Variants in HDAC6 observed in about 807,000 individuals in gnomAD.
HDAC6 encodes the protein protein deacetylase HDAC6.
A neutral mutation model predicts 88.9 loss-of-function variants in HDAC6; 5 were observed. The observed-to-expected ratio is 0.06, with a 90% CI of 0.03 to 0.12. HDAC6 has a LOEUF of 0.12. HDAC6 is among the 10% of genes least tolerant of loss of function. HDAC6 has a pLI of 1.00. For missense variants in HDAC6, 706 were observed against 1,014.4 expected (o/e 0.70, Z 4.13); for synonymous variants, 378 against 398.0 (o/e 0.95, Z 0.60).
In HDAC6 at chrX:48,808,134, G is replaced by A. The variant is rs782076379; in HGVS notation, c.734G>A (p.Arg245Gln). The change falls in exon 9 of 29, where the codon CGG (arginine) becomes CAG (glutamine). Residue 245 changes from arginine (R) to glutamine (Q), a missense_variant. By Grantham distance (43) the Arg-to-Gln change is conservative. Around this residue, in one of 9 missense-constraint regions of HDAC6, gnomAD observed 193 missense variants for 258.2 expected, o/e 0.75. Transcript: ENST00000334136. ...TATGCTCAACAGAAACACCGCATCC[G>A]GAGGTCAGCAACAGAGGGCAGATGT... ...ARYAQQKHRI[R>Q]RVLIVDWDVH... The A allele has an allele frequency of 2.8e-5, 33 of 1,197,330 alleles. No homozygotes were observed. The highest frequency in any genetic ancestry group is 1.1e-4 in the African/African-American group (6 of 56,806).
At chrX:48,808,202 C>T in intron 9 of HDAC6, 56 bp from the exon 10 acceptor site, 2 of 1,149,239 alleles carry the variant, frequency 1.7e-6, no homozygotes, top group Non-Finnish European at 2.4e-6. Flanking sequence ...CTGGGCTCTT[C>T]CCCCAGATTC....
At chrX:48,821,417 T>C (rs781886808) in intron 23 of HDAC6, among the ~76,000 whole-genome samples, 1 of 106,030 alleles carries the variant, frequency 9.4e-6, no homozygotes, top group African/African-American at 3.4e-5. Context: ...GGTGTTGAAC[T>C]CCTGACCTCG....
chrX:48,818,068 C>T lies in HDAC6; in HGVS notation c.1953C>T (p.His651=). 1 of 1,199,386 alleles carries T rather than the reference C, an allele frequency of 8.3e-7. No individual in the cohort carries two copies. The highest frequency in any genetic ancestry group is 1.1e-6 in the Non-Finnish European group (1 of 889,691). The change falls in exon 21 of 29, where the codon CAC becomes CAT. Residue 651 remains histidine (H), a synonymous_variant. Coordinates refer to ENST00000334136, the MANE Select transcript of HDAC6 (RefSeq NM_006044.4). The stretch of plus-strand genomic sequence containing the variant: ...TCCTGATTGTGGATTGGGATGTCCA[C>T]CACGGTAATGGAACTCAGCACATGT... The part of the protein sequence containing the change: ...LRILIVDWDV[H]HGNGTQHMFE...
rs781818835 is a variant in HDAC6 at position 48,816,008 on chromosome X, G to A, written c.1449G>A (p.Leu483=). 21 of 1,209,869 alleles carry A rather than the reference G, an allele frequency of 1.7e-5. No individual in the cohort carries two copies. The East Asian group carries it at 2.7e-4, about 15-fold the overall frequency. Residue 483 remains leucine (L), a synonymous_variant, in exon 17 of 29, where the codon CTG becomes CTA. Transcript: ENST00000334136. ...CAGTGCTACAGTCTCGCACAGGGCT[G>A]GTCTATGACCAAAATATGATGAATC... ...TWPVLQSRTG[L]VYDQNMMNHC...
chrX:48,820,468 TATTC>T (rs2063063099), intron 23 of HDAC6, among the ~76,000 whole-genome samples: 2 of 112,492 alleles, frequency 1.8e-5, no homozygotes, highest in Non-Finnish European at 3.8e-5. Context: ...TCATGTGTCT[TATTC>T]ATTCAGTTAC....
intron 6 of HDAC6, 83 bp downstream of exon 6, chrX:48,805,754 G>A: frequency 1.2e-6 from 1 of 829,744 alleles, no homozygotes; most frequent in Non-Finnish European, 1.8e-6. Flanking sequence ...GGGAAGCAAT[G>A]TCATGGTCTC....
Position 48,807,251 on chromosome X carries a change from C to T in HDAC6, c.632+545C>T, listed in dbSNP as rs375135223. On this transcript the variant is annotated intron_variant, in intron 8 of 28. Coordinates refer to ENST00000334136, the MANE Select transcript of HDAC6 (RefSeq NM_006044.4). Reference sequence around the variant, plus strand: ...CTCTAACAGTATGTATCTTGGAGCCCGGTAGAACACCATTGTGTAAATGCA... The same window carrying T: ...CTCTAACAGTATGTATCTTGGAGCCTGGTAGAACACCATTGTGTAAATGCA... Among the ~76,000 whole-genome samples the T allele has an allele frequency of 9.8e-5, 11 of 112,138 alleles. No individual in the cohort carries two copies. In the East Asian group the frequency reaches 2.2e-3, roughly 23 times the overall value.
rs1454136567 is a variant in HDAC6 at position 48,802,414 on chromosome X, G to C, written c.-30-249G>C. The C allele has an allele frequency of 5.3e-6, 5 of 951,565 alleles. No homozygotes were observed. In the African/African-American group the frequency reaches 9.9e-5, roughly 19 times the overall value. The allele number at this position is 951,565 out of a possible 1,213,427, so 78.4% of individuals were successfully genotyped here. A position where few individuals can be genotyped will look rare whatever the true frequency, so the allele number is the denominator to read the frequency against. On this transcript the variant is annotated intron_variant, in intron 1 of 28. Transcript: ENST00000334136. ...CCGGGGGCTCATTGCTCCGTGAAAG[G>C]GCAAGACCAGGGAAAGAGAATCGTG...
At chrX:48,808,682 A>T (rs1389954471) in intron 10 of HDAC6, among the ~76,000 whole-genome samples, 1 of 112,439 alleles carries the variant, frequency 8.9e-6, no homozygotes, top group Non-Finnish European at 1.9e-5. Flanking sequence ...TCTGATTAGG[A>T]TAATGCTTCA....
chrX:48,820,012 T>C, intron 22 of HDAC6, 94 bp from the exon 23 acceptor site: 1 of 892,319 alleles, frequency 1.1e-6, no homozygotes, highest in Non-Finnish European at 1.6e-6. Context: ...TGTCTTCATT[T>C]GTCCTTTTCT....
intron 2 of HDAC6, 36 bp downstream of exon 2, chrX:48,802,821 G>A (rs1557022840): frequency 2.5e-6 from 3 of 1,206,892 alleles, no homozygotes; most frequent in Non-Finnish European, 3.4e-6. Context: ...AGGGGGAGAG[G>A]GAGCAAGTTG....
rs782193224 is a variant in HDAC6, at chrX:48,822,909, C to T, written c.2513-3C>T. The T allele has an allele frequency of 6.0e-6, 7 of 1,174,515 alleles. No individual in the cohort carries two copies. In the South Asian group the frequency reaches 1.2e-4, roughly 19 times the overall value. On this transcript the variant is annotated splice_polypyrimidine_tract_variant and splice_region_variant and intron_variant, in intron 24 of 28. Transcript: ENST00000334136. ...ACTCAAGGATCTCCCTCCCTGGTTC[C>T]AGAGGTAGAAGACAGAGAAGGACCC...
chrX:48,818,966 T>C (rs1236118562), intron 22 of HDAC6, among the ~76,000 whole-genome samples: 1 of 111,716 alleles, frequency 9.0e-6, no homozygotes, highest in Non-Finnish European at 1.9e-5. Flanking sequence ...CTGTGTGAGC[T>C]AGGAGGCTGG....
chrX:48,808,444 G>C lies in HDAC6; in HGVS notation c.806+118G>C, dbSNP rs1218494566. 7 of 490,763 alleles carry C rather than the reference G, an allele frequency of 1.4e-5. No homozygotes were observed. The Admixed American group carries it at 1.5e-4, about 10-fold the overall frequency. The allele number at this position is 490,763 out of a possible 1,213,427, so 40.4% of individuals were successfully genotyped here. ...TTCACATTCATGGGGCCTATCCTGG[G>C]ATCAGGATCTGTGCTACTTTTGTGT... On this transcript the variant is annotated intron_variant, in intron 10 of 28. Coordinates refer to ENST00000334136, the MANE Select transcript of HDAC6 (RefSeq NM_006044.4).
chrX:48,820,008 C>A, intron 22 of HDAC6, 98 bp from the exon 23 acceptor site: 1 of 867,794 alleles, frequency 1.2e-6, no homozygotes, highest in Non-Finnish European at 1.7e-6. Context: ...TCCATGTCTT[C>A]ATTTGTCCTT....
upstream of HDAC6, chrX:48,801,779 T>G (rs1557022359): frequency 4.5e-6 from 4 of 881,734 alleles, no homozygotes; most frequent in African/African-American, 6.2e-5. Flanking sequence ...GGCGCGGCCT[T>G]GAGGCACGGT....
chrX:48,824,510 T>C, intron 28 of HDAC6, 34 bp from the exon 29 acceptor site: 1 of 1,169,902 alleles, frequency 8.5e-7, no homozygotes, highest in Non-Finnish European at 1.2e-6. Context: ...GTCCTCACTC[T>C]CTCTCACCTG....
intron 10 of HDAC6, chrX:48,810,655 C>T (rs1380819226): frequency 9.2e-6 from 1 of 108,373 alleles, no homozygotes; most frequent in East Asian, 2.9e-4. Context: ...GTTGCCCAGA[C>T]TGGAGTACAG....
chrX:48,803,107 C>T (rs781814834), intron 3 of HDAC6, 21 bp from the exon 4 acceptor site: 2 of 1,202,305 alleles, frequency 1.7e-6, no homozygotes, highest in South Asian at 3.6e-5. Context: ...ATCTGTGTCT[C>T]CTTTTTTTTT....
Sources: gnomAD v4.1 joint callset for allele counts (sites outside exome capture counted in the v4.1 genomes callset) on GRCh38, gnomAD v4.1.1 for gene constraint, gnomAD v4.1.1 regional missense constraint, MANE v1.5 for transcripts, NCBI Gene and HGNC (gene_info 2026-07-23, HGNC 2026-07-21) for gene names.